Variants in MAPK4 observed in about 807,000 individuals in gnomAD.
MAPK4 encodes the protein mitogen-activated protein kinase 4.
In MAPK4, 22 loss-of-function variants were observed where a neutral mutation model predicts 47.7. The observed-to-expected ratio is 0.46, with a 90% CI of 0.33 to 0.66. MAPK4 has a LOEUF of 0.66. Among genes scored for constraint, MAPK4 ranks in the 30% least tolerant of loss-of-function variants. The probability of loss-of-function intolerance (pLI) is 0.02; values close to 1 mark genes in which losing one functional copy is unlikely to be tolerated. For missense variants in MAPK4, 736 were observed against 831.7 expected (o/e 0.88, Z 1.42); for synonymous variants, 390 against 365.7 (o/e 1.07, Z -0.76).
chr18:50,579,038 G>C (rs1178120706), intron 1 of MAPK4, among the ~76,000 whole-genome samples: 1 of 152,202 alleles, frequency 6.6e-6, no homozygotes, highest in African/African-American at 2.4e-5. Flanking sequence ...ATTGGATGAG[G>C]AGGGGCAGCT....
chr18:50,570,178 A>G (rs1196598597), intron 1 of MAPK4, among the ~76,000 whole-genome samples: 1 of 152,260 alleles, frequency 6.6e-6, no homozygotes, highest in African/African-American at 2.4e-5. Context: ...GACTGTGACT[A>G]GAGAACTTTA....
At chr18:50,575,848 C>G (rs182442298) in intron 1 of MAPK4, among the ~76,000 whole-genome samples, 1 of 134,584 alleles carries the variant, frequency 7.4e-6, no homozygotes, top group Non-Finnish European at 1.6e-5. Context: ...TGAACAGATA[C>G]TTTTCAAAAG....
chr18:50,698,526 A>G (rs1017106758), intron 2 of MAPK4, among the ~76,000 whole-genome samples: 9 of 152,214 alleles, frequency 5.9e-5, no homozygotes, highest in African/African-American at 1.7e-4. Context: ...AACTTCTCAG[A>G]AAGAAAACCT....
chr18:50,634,315 C>CTTT lies in MAPK4; in HGVS notation c.-870-28764_-870-28762dup, dbSNP rs5824846. Among the ~76,000 whole-genome samples the CTTT allele has an allele frequency of 4.6e-3, 658 of 143,812 alleles. 1 individual carries two copies. The highest frequency in any genetic ancestry group is 0.014 in the Middle Eastern group (4 of 276). 94.3% of individuals were successfully genotyped at this position (143,812 alleles called of 152,430 possible). On this transcript the variant is annotated intron_variant, in intron 1 of 5. Coordinates refer to ENST00000400384, the MANE Select transcript of MAPK4 (RefSeq NM_002747.4). ...CATGGCTGTCAGGTGTTTTTTTTTT[C>CTTT]TTTTTTTTTTTTCCTTTTCTGAAAA...
chr18:50,639,030 T>C (rs1033460757), intron 1 of MAPK4, among the ~76,000 whole-genome samples: 1 of 152,174 alleles, frequency 6.6e-6, no homozygotes, highest in Non-Finnish European at 1.5e-5. Context: ...CCTGGGAATG[T>C]CATGTAGGTG....
chr18:50,659,539 C>T (rs989464515), intron 1 of MAPK4, among the ~76,000 whole-genome samples: 4 of 152,188 alleles, frequency 2.6e-5, no homozygotes, highest in Admixed American at 6.5e-5. Flanking sequence ...AGTTGGCACA[C>T]GCCATCTCAT....
intron 2 of MAPK4, among the ~76,000 whole-genome samples, chr18:50,713,973 A>G (rs1910504050): frequency 6.6e-6 from 1 of 152,226 alleles, no homozygotes; most frequent in Non-Finnish European, 1.5e-5. Flanking sequence ...GGTTTTAGAC[A>G]TTTAATAAAT....
Position 50,663,728 on chromosome 18 carries a change from A to G in MAPK4, c.-231A>G, listed in dbSNP as rs1331466543. ...CAGGAATTAGTAGACAGCCCTCCCA[A>G]TGCAGGTTAAGACGACAGCCTGCGC... On this transcript the variant is annotated 5_prime_UTR_variant, in exon 2 of 6. It removes an upstream start codon present in the reference 5' UTR. Coordinates refer to ENST00000400384, the MANE Select transcript of MAPK4 (RefSeq NM_002747.4). 4.4e-6 allele frequency: 2 copies of G among 452,040 alleles called. No homozygotes were observed. The highest frequency in any genetic ancestry group is 7.3e-5 in the East Asian group (2 of 27,516). The allele number at this position is 452,040 out of a possible 1,614,324, so 28.0% of individuals were successfully genotyped here.
intron 1 of MAPK4, among the ~76,000 whole-genome samples, chr18:50,570,902 A>G (rs2042244145): frequency 6.6e-6 from 1 of 152,222 alleles, no homozygotes; most frequent in Non-Finnish European, 1.5e-5. Flanking sequence ...CCACCTTACC[A>G]GAGCCTCCAT....
chr18:50,656,215 C>T (rs751295270), intron 1 of MAPK4, among the ~76,000 whole-genome samples: 1 of 152,204 alleles, frequency 6.6e-6, no homozygotes, highest in African/African-American at 2.4e-5. Context: ...TTAAAAACAA[C>T]ATTTATTACC....
chr18:50,668,285 T>C (rs1907722657), intron 2 of MAPK4, among the ~76,000 whole-genome samples: 1 of 152,202 alleles, frequency 6.6e-6, no homozygotes, highest in African/African-American at 2.4e-5. Flanking sequence ...CACCCAGCAG[T>C]GTGCAGCAGC....
intron 1 of MAPK4, among the ~76,000 whole-genome samples, chr18:50,656,194 C>A (rs1489660610): frequency 6.6e-6 from 1 of 152,198 alleles, no homozygotes; most frequent in African/African-American, 2.4e-5. Flanking sequence ...AATGTCCCAA[C>A]ATTTATTGGC....
At chr18:50,568,210 A>AG (rs1303702744) in intron 1 of MAPK4, among the ~76,000 whole-genome samples, 4 of 151,768 alleles carry the variant, frequency 2.6e-5, no homozygotes, top group Admixed American at 6.6e-5. Context: ...AAAAAAAAAA[A>AG]GAAAAAAGAA....
At chr18:50,661,395 T>C (rs2043170388) in intron 1 of MAPK4, among the ~76,000 whole-genome samples, 1 of 152,208 alleles carries the variant, frequency 6.6e-6, no homozygotes, top group Admixed American at 6.5e-5. Flanking sequence ...TGTCTCTTAG[T>C]GGCTGGGCAT....
rs1910966100 is a variant in MAPK4, at chr18:50,722,071, C to T, written c.825C>T (p.Arg275=). The T allele has an allele frequency of 6.2e-7, 1 of 1,613,448 alleles. No individual in the cohort carries two copies. Among genetic ancestry groups the T allele is most frequent in the South Asian group, 1.1e-5 (1 of 91,004 alleles). ...CCTGGGAGGTGAAGAGGCCTCTGCG[C>T]AAGCTGCTCCCTGAAGTGAACAGTG... ...SSTWEVKRPL[R]KLLPEVNSEA... Residue 275 remains arginine (R), a synonymous_variant, in exon 4 of 6, where the codon CGC becomes CGT. Transcript: ENST00000400384.
Position 50,686,156 on chromosome 18 carries a change from T to C in MAPK4, c.546+21652T>C, listed in dbSNP as rs1490521653. Among the ~76,000 whole-genome samples the C allele has an allele frequency of 2.0e-5, 3 of 152,184 alleles. No homozygotes were observed. The East Asian group carries it at 5.8e-4, about 29-fold the overall frequency. On this transcript the variant is annotated intron_variant, in intron 2 of 5. Transcript: ENST00000400384. ...TCTTTGGTTTTTAACTTCAAATTAA[T>C]TTCTCTTCTGAACCTTCTGCAGACC...
intron 1 of MAPK4, among the ~76,000 whole-genome samples, chr18:50,626,172 G>C (rs1006920570): frequency 2.6e-5 from 4 of 152,172 alleles, no homozygotes; most frequent in African/African-American, 7.2e-5. Flanking sequence ...GCTTTACTCA[G>C]AGTCCACTAA....
intron 2 of MAPK4, among the ~76,000 whole-genome samples, chr18:50,685,362 A>G (rs980132419): frequency 2.0e-5 from 3 of 152,226 alleles, no homozygotes; most frequent in East Asian, 1.9e-4. Context: ...TCACTGTCCA[A>G]TGAGAGAGAA....
chr18:50,679,043 T>C (rs1227271816), intron 2 of MAPK4, among the ~76,000 whole-genome samples: 5 of 152,234 alleles, frequency 3.3e-5, no homozygotes, highest in Admixed American at 1.3e-4. Context: ...TGAGGTCTTC[T>C]TGGGGTCAAA....
Sources: gnomAD v4.1 joint callset for allele counts (sites outside exome capture counted in the v4.1 genomes callset) on GRCh38, gnomAD v4.1.1 for gene constraint, MANE v1.5 for transcripts, NCBI Gene and HGNC (gene_info 2026-07-23, HGNC 2026-07-21) for gene names.